Variants in TESMIN observed in about 807,000 individuals in gnomAD.
TESMIN encodes the protein CXC domain containing 2.
Under a neutral mutation model 47.4 loss-of-function variants are expected in TESMIN, and 34 were observed. The ratio of observed to expected loss-of-function variants is 0.72; its 90% CI spans 0.55 to 0.96. The LOEUF (loss-of-function observed/expected upper bound fraction) is 0.96, where lower values mean the gene tolerates loss of function less well. Ranked by LOEUF, TESMIN falls within the 40% of genes least tolerant of loss-of-function variation. TESMIN has a pLI of 0.00. For synonymous variants in TESMIN, 278 were observed against 258.9 expected, an observed-to-expected ratio of 1.07 and a Z score of -0.71; for missense variants, 610 against 637.2, an observed-to-expected ratio of 0.96 and a Z score of 0.46.
chr11:68,730,691 A>G (rs1423353458), intron 6 of TESMIN, among the ~76,000 whole-genome samples: 4 of 151,642 alleles, frequency 2.6e-5, no homozygotes, highest in Non-Finnish European at 5.9e-5. Context: ...GCTACTCAGG[A>G]GGCTGAAGCA....
At chr11:68,710,133 G>C (rs1036092484) in intron 9 of TESMIN, among the ~76,000 whole-genome samples, 4 of 152,148 alleles carry the variant, frequency 2.6e-5, no homozygotes, top group Non-Finnish European at 5.9e-5. Flanking sequence ...ACTCCAGCCT[G>C]AGCAACTGAG....
intron 4 of TESMIN, 119 bp downstream of exon 4, chr11:68,744,872 G>A (rs1946498881): frequency 1.2e-6 from 1 of 816,838 alleles, no homozygotes; most frequent in Admixed American, 3.2e-5. Context: ...GGACTACGAG[G>A]TTTGCCAAAT....
rs1946056363 is a variant in TESMIN, at chr11:68,710,914, G to A, written c.1294C>T (p.Pro432Ser). 2 of 1,613,608 alleles carry A rather than the reference G, an allele frequency of 1.2e-6. No individual in the cohort carries two copies. Among genetic ancestry groups the A allele is most frequent in the Non-Finnish European group, 1.7e-6 (2 of 1,179,920 alleles). Residue 432 changes from proline (P) to serine (S), a missense_variant, in exon 9 of 10, where the codon CCA becomes TCA. By Grantham distance (74) the Pro-to-Ser change is moderately conservative (BLOSUM62 -1). Transcript: ENST00000255087. ...GGLEGSHYLPPTKFSGLPRFS... is the reference protein window; with the variant it reads ...GGLEGSHYLPSTKFSGLPRFS... ...CTTGGAAGTCCTGAAAATTTCGTTG[G>A]TGGCAGGTAATGGCTGCCTTCCAAA...
intron 7 of TESMIN, 52 bp downstream of exon 7, chr11:68,715,785 C>CA: frequency 7.6e-7 from 1 of 1,324,066 alleles, no homozygotes; most frequent in Non-Finnish European, 1.1e-6. Flanking sequence ...ATGAACATCT[C>CA]AAACAGTTTG....
At chr11:68,731,148 C>T (rs1262898757) in intron 6 of TESMIN, among the ~76,000 whole-genome samples, 1 of 152,116 alleles carries the variant, frequency 6.6e-6, no homozygotes, top group African/African-American at 2.4e-5. Flanking sequence ...GCAGAAGTTG[C>T]TAAGAGTGGA....
intron 6 of TESMIN, among the ~76,000 whole-genome samples, chr11:68,733,141 T>G (rs1246612342): frequency 6.6e-6 from 1 of 152,204 alleles, no homozygotes; most frequent in African/African-American, 2.4e-5. Context: ...AGCATGGCAA[T>G]GAGGTCTGCC....
chr11:68,731,161 C>T (rs1946322263), intron 6 of TESMIN, among the ~76,000 whole-genome samples: 2 of 152,168 alleles, frequency 1.3e-5, no homozygotes, highest in Admixed American at 1.3e-4. Flanking sequence ...AGAGTGGAAG[C>T]TTCTTGGAGG....
At chr11:68,749,647 G>T (rs527670629) in intron 2 of TESMIN, among the ~76,000 whole-genome samples, 2 of 152,266 alleles carry the variant, frequency 1.3e-5, no homozygotes, top group South Asian at 4.1e-4. Flanking sequence ...TGCTTGAAGA[G>T]CTATTACTCA....
intron 6 of TESMIN, among the ~76,000 whole-genome samples, chr11:68,722,073 T>C (rs1946210262): frequency 6.6e-6 from 1 of 152,108 alleles, no homozygotes; most frequent in Admixed American, 6.5e-5. Flanking sequence ...ATCCATACAA[T>C]GGAATATTAT....
Position 68,708,466 on chromosome 11 carries a change from C to T in TESMIN, c.1369G>A (p.Glu457Lys). 1 of 1,612,976 alleles carries T rather than the reference C, an allele frequency of 6.2e-7. No individual in the cohort carries two copies. Among genetic ancestry groups the T allele is most frequent in the African/African-American group, 1.3e-5 (1 of 75,008 alleles). Residue 457 changes from glutamate (E) to lysine (K), a missense_variant, in exon 10 of 10, where the codon GAG (glutamate) becomes AAG (lysine). By Grantham distance (56) the Glu-to-Lys change is moderately conservative. Transcript: ENST00000255087. Reference protein sequence around the residue: ...PSSCISWEVVEATCACLLAQG... With the variant: ...PSSCISWEVVKATCACLLAQG... ...GCAAGCAGGCAGGCGCATGTGGCCTCCACCACCTCCCAGGAGATGCATGAG... is the reference window on the plus strand; with the variant it reads ...GCAAGCAGGCAGGCGCATGTGGCCTTCACCACCTCCCAGGAGATGCATGAG...
intron 6 of TESMIN, chr11:68,733,629 T>C (rs1224485786): frequency 6.6e-6 from 1 of 152,246 alleles, no homozygotes; most frequent in Non-Finnish European, 1.5e-5. Flanking sequence ...TCATATTTAA[T>C]AATGAAGGAT....
In TESMIN at chr11:68,750,391, G is replaced by A. The variant is rs558666926; in HGVS notation, c.270C>T (p.Gly90=). The A allele has an allele frequency of 1.1e-4, 169 of 1,513,880 alleles. 2 individuals carry two copies. Among genetic ancestry groups the A allele is most frequent in the South Asian group, 7.5e-4 (60 of 79,720 alleles). The allele number at this position is 1,513,880 out of a possible 1,614,324, so 93.8% of individuals were successfully genotyped here. ...CGGGGTACTCCCCGAGGAGCTCCCC[G>A]CCGTCGCTGTCGCCCCCCGCGAGCT... ...KAKLAGGDSD[G]GELLGEYPGI... Residue 90 remains glycine, a synonymous_variant, in exon 2 of 10, where the codon GGC becomes GGT. Coordinates refer to ENST00000255087, the MANE Select transcript of TESMIN (RefSeq NM_004923.3).
At chr11:68,705,345 G>A (rs575266804), downstream of TESMIN, among the ~76,000 whole-genome samples, 10 of 152,254 alleles carry the variant, frequency 6.6e-5, no homozygotes, top group East Asian at 1.9e-3. Context: ...GTTTATTATG[G>A]TTTGAAACCG....
chr11:68,722,561 T>C (rs1320602979), intron 6 of TESMIN, among the ~76,000 whole-genome samples: 1 of 152,108 alleles, frequency 6.6e-6, no homozygotes, highest in Non-Finnish European at 1.5e-5. Context: ...TCCCTATGTG[T>C]CAATAATCAG....
Position 68,750,552 on chromosome 11 carries a change from C to T in TESMIN, c.109G>A (p.Ala37Thr), listed in dbSNP as rs1396038979. The change falls in exon 2 of 10, where the codon GCC becomes ACC. Residue 37 changes from alanine (A) to threonine (T), a missense_variant. Coordinates refer to ENST00000255087, the MANE Select transcript of TESMIN (RefSeq NM_004923.3). ...PFASENIGLK[A>T]PVKYEEDEFH... Reference sequence around the variant, plus strand: ...TCGTCCTCCTCGTACTTCACGGGGGCCTTCAGGCCGATGTTCTCCGAAGCG... The same window carrying T: ...TCGTCCTCCTCGTACTTCACGGGGGTCTTCAGGCCGATGTTCTCCGAAGCG... 6 of 1,607,068 alleles carry T rather than the reference C, an allele frequency of 3.7e-6. No homozygotes were observed. Among genetic ancestry groups the T allele is most frequent in the Non-Finnish European group, 5.1e-6 (6 of 1,177,626 alleles).
chr11:68,719,485 C>T (rs1335892631), intron 6 of TESMIN, among the ~76,000 whole-genome samples: 2 of 152,184 alleles, frequency 1.3e-5, no homozygotes, highest in East Asian at 3.9e-4. Flanking sequence ...AAAGCTAAAT[C>T]CACATTTCCC....
chr11:68,736,300 G>T lies in TESMIN; in HGVS notation c.917+2400C>A, dbSNP rs1472738959. ...GAGTTTTTATTAATATGATAAGCTA[G>T]TTAATAAGTTAGCCAGTTCACCCCC... On this transcript the variant is annotated intron_variant, in intron 6 of 9. Coordinates refer to ENST00000255087, the MANE Select transcript of TESMIN (RefSeq NM_004923.3). The T allele has an allele frequency of 5.1e-6, 5 of 985,298 alleles. No individual in the cohort carries two copies. The South Asian group carries it at 2.3e-4, about 46-fold the overall frequency. The allele number at this position is 985,298 out of a possible 1,614,324, so 61.0% of individuals were successfully genotyped here. A position where few individuals can be genotyped will look rare whatever the true frequency, so the allele number is the denominator to read the frequency against.
chr11:68,738,645 A>G (rs1367957861), intron 6 of TESMIN, 55 bp downstream of exon 6: 1 of 1,607,746 alleles, frequency 6.2e-7, no homozygotes, highest in East Asian at 2.2e-5. Flanking sequence ...GAACGTATCC[A>G]AGAGTCTCTT....
At chr11:68,750,113 G>A in intron 2 of TESMIN, 77 bp downstream of exon 2, 1 of 1,206,296 alleles carries the variant, frequency 8.3e-7, no homozygotes, top group Non-Finnish European at 1.1e-6. Context: ...GGGAAATCCT[G>A]GGGTACACTA....
Sources: gnomAD v4.1 joint callset for allele counts (sites outside exome capture counted in the v4.1 genomes callset) on GRCh38, gnomAD v4.1.1 for gene constraint, MANE v1.5 for transcripts, NCBI Gene and HGNC (gene_info 2026-07-23, HGNC 2026-07-21) for gene names.